ZDBF2: variants seen among roughly 807,000 people sequenced by gnomAD.
ZDBF2 encodes zinc finger DBF-type containing 2.
Under a neutral mutation model 9.4 loss-of-function variants are expected in ZDBF2, and 6 were observed. The ratio of observed to expected loss-of-function variants is 0.64; its 90% confidence interval spans 0.35 to 1.27. ZDBF2 has a LOEUF of 1.27. Ranked by LOEUF, ZDBF2 falls within the 50% of genes most tolerant of loss-of-function variation. The pLI is 0.03. For missense variants in ZDBF2, 2,697 were observed against 2,766.8 expected, an observed-to-expected ratio of 0.97 and a Z score of 0.57; for synonymous variants, 905 against 946.3, an observed-to-expected ratio of 0.96 and a Z score of 0.80.
At chr2:206,290,489 T>C (rs1478543676) in intron 3 of ZDBF2, among the ~76,000 whole-genome samples, 6 of 152,236 alleles carry the variant, frequency 3.9e-5, no homozygotes, top group African/African-American at 1.4e-4. Context: ...AATAGAGGTA[T>C]GTATTTCCAT....
intron 4 of ZDBF2, among the ~76,000 whole-genome samples, chr2:206,298,888 CT>C (rs879904046): frequency 4.1e-5 from 6 of 146,620 alleles, no homozygotes; most frequent in Admixed American, 6.8e-5. Flanking sequence ...TTTTTTTTTT[CT>C]TTTTTTTTTG....
Position 206,311,651 on chromosome 2 carries a change from G to T in ZDBF2, c.*58G>T. The T allele has an allele frequency of 7.2e-7, 1 of 1,381,024 alleles. No individual in the cohort carries two copies. The highest frequency in any genetic ancestry group is 9.4e-7 in the Non-Finnish European group (1 of 1,060,332). The allele number at this position is 1,381,024 out of a possible 1,614,324, so 85.5% of individuals were successfully genotyped here. On this transcript the variant is annotated 3_prime_UTR_variant, in exon 5 of 5. Transcript: ENST00000374423. ...TCAGTACTTCAGTTGAAATATATTT[G>T]GTACTTTGTGCACACAGCTTTCCCA...
rs766312262 is a variant in ZDBF2 at position 206,306,161 on chromosome 2, C to T, written c.1633C>T (p.Pro545Ser). 1.2e-6 allele frequency: 2 copies of T among 1,613,700 alleles called. No homozygotes were observed. Among genetic ancestry groups the T allele is most frequent in the Admixed American group, 3.3e-5 (2 of 59,952 alleles). ...SSEVSADSVFPLQSVVDRPPV... is the reference protein window; with the variant it reads ...SSEVSADSVFSLQSVVDRPPV... Reference sequence around the variant, plus strand: ...TGAAGTAAGTGCTGATTCTGTTTTCCCACTGCAGTCAGTGGTTGACAGACC... The same window carrying T: ...TGAAGTAAGTGCTGATTCTGTTTTCTCACTGCAGTCAGTGGTTGACAGACC... Residue 545 changes from proline to serine, a missense_variant, in exon 5 of 5, where the codon CCA becomes TCA. Pro to Ser is a moderately conservative substitution (Grantham distance 74). Coordinates refer to ENST00000374423, the MANE Select transcript of ZDBF2 (RefSeq NM_020923.3).
In ZDBF2 at chr2:206,311,198, A is replaced by C; in HGVS notation, c.6670A>C (p.Arg2224=). ...WIRTKPSDII[R]KYISKYSVFL... is the part of the protein sequence containing the mutation. ...TCGGACCAAACCAAGTGATATCATT[A>C]GAAAGTATATTTCGAAATACTCTGT... The change falls in exon 5 of 5, where the codon AGA becomes CGA. Residue 2224 remains arginine (R), a synonymous_variant. Coordinates refer to ENST00000374423, the MANE Select transcript of ZDBF2 (RefSeq NM_020923.3). The C allele has an allele frequency of 6.2e-7, 1 of 1,612,786 alleles. No homozygotes were observed. The highest frequency in any genetic ancestry group is 8.5e-7 in the Non-Finnish European group (1 of 1,179,552).
rs1692738708 is a variant in ZDBF2 at position 206,305,560 on chromosome 2, G to A, written c.1032G>A (p.Lys344=). 1.9e-6 allele frequency: 3 copies of A among 1,613,620 alleles called. No individual in the cohort carries two copies. Among genetic ancestry groups the A allele is most frequent in the African/African-American group, 1.3e-5 (1 of 74,920 alleles). ...FSNMDCTQEE[K]HLVFNKTAFW... ...ACATGGATTGTACCCAAGAAGAAAAGCATTTGGTTTTTAACAAGACAGCCT... is the reference window on the plus strand; with the variant it reads ...ACATGGATTGTACCCAAGAAGAAAAACATTTGGTTTTTAACAAGACAGCCT... Residue 344 remains lysine (K), a synonymous_variant, in exon 5 of 5, where the codon AAG becomes AAA. Coordinates refer to ENST00000374423, the MANE Select transcript of ZDBF2 (RefSeq NM_020923.3).
chr2:206,311,284 A>C lies in ZDBF2; in HGVS notation c.6756A>C (p.Lys2252Asn), dbSNP rs746840686. The C allele has an allele frequency of 2.5e-6, 4 of 1,608,708 alleles. No individual in the cohort carries two copies. Among genetic ancestry groups the C allele is most frequent in the Non-Finnish European group, 3.4e-6 (4 of 1,177,016 alleles). Residue 2252 changes from lysine to asparagine, a missense_variant, in exon 5 of 5, where the codon AAA (lysine) becomes AAC (asparagine). Around this residue, in one of 3 missense-constraint regions of ZDBF2, gnomAD observed 1,783 missense variants for 1,776.5 expected, o/e 1.00. Transcript: ENST00000374423. ...SAFLGRYLKK[K>N]KSVVSRLKKA... ...TTCTTGGAAGGTATCTGAAGAAGAA[A>C]AAATCTGTTGTCAGTAGGCTAAAGA...
At chr2:206,292,216 G>A in intron 3 of ZDBF2, 1 of 396,806 alleles carries the variant, frequency 2.5e-6, no homozygotes, top group Non-Finnish European at 4.4e-6. Context: ...AATTTCTAAG[G>A]ACTTTGCATT....
chr2:206,304,726 A>G lies in ZDBF2; in HGVS notation c.198A>G (p.Gln66=), dbSNP rs1380551985. The stretch of plus-strand genomic sequence containing the variant: ...CCCCCTTTCGTTTTAGTTCAACACA[A>G]GATGAGACACATGTGAATACTGGGT... ...PYHCQESSST[Q]DETHVNTGSS... The change falls in exon 5 of 5, where the codon CAA becomes CAG. Residue 66 remains glutamine, a synonymous_variant. Coordinates refer to ENST00000374423, the MANE Select transcript of ZDBF2 (RefSeq NM_020923.3). 1 of 1,607,414 alleles carries G rather than the reference A, an allele frequency of 6.2e-7. No individual in the cohort carries two copies. Among genetic ancestry groups the G allele is most frequent in the Non-Finnish European group, 8.5e-7 (1 of 1,177,248 alleles).
In ZDBF2 at chr2:206,307,053, A is replaced by G; in HGVS notation, c.2525A>G (p.Asp842Gly). 1 of 1,613,288 alleles carries G rather than the reference A, an allele frequency of 6.2e-7. No homozygotes were observed. Among genetic ancestry groups the G allele is most frequent in the South Asian group, 1.1e-5 (1 of 90,978 alleles). Residue 842 changes from aspartate to glycine, a missense_variant, in exon 5 of 5, where the codon GAT becomes GGT. By Grantham distance (94) the Asp-to-Gly change is moderately conservative. This residue lies in a region of ZDBF2 where 4 missense variants were observed against 16.7 expected (regional missense o/e 0.24). Coordinates refer to ENST00000374423, the MANE Select transcript of ZDBF2 (RefSeq NM_020923.3). ...DSDIPLHSGN[D>G]HPEVAVKEVI... Reference sequence around the variant, plus strand: ...GATATTCCTCTTCATTCAGGAAATGATCACCCTGAAGTAGCTGTTAAAGAA... The same window carrying G: ...GATATTCCTCTTCATTCAGGAAATGGTCACCCTGAAGTAGCTGTTAAAGAA...
chr2:206,291,372 G>A (rs1691889164), intron 3 of ZDBF2, among the ~76,000 whole-genome samples: 1 of 152,168 alleles, frequency 6.6e-6, no homozygotes. Flanking sequence ...CTGACAGGAG[G>A]TGAAGCTCAG....
rs1334578147 is a variant in ZDBF2 at position 206,309,256 on chromosome 2, C to CT, written c.4734dup (p.Gly1579TrpfsTer3). On this transcript the variant is annotated frameshift_variant, in exon 5 of 5. Transcript: ENST00000374423. LOFTEE classifies it low-confidence loss of function (END_TRUNC). The stretch of plus-strand genomic sequence containing the variant: ...TTGATATAGAAGATAAGAGCTGTGA[C>CT]TTTTTTGGTTCTGAAGTCAGATGTA... 7 of 1,609,750 alleles carry CT rather than the reference C, an allele frequency of 4.3e-6. No individual in the cohort carries two copies. The highest frequency in any genetic ancestry group is 5.9e-6 in the Non-Finnish European group (7 of 1,177,794).
chr2:206,308,213 G>A lies in ZDBF2; in HGVS notation c.3685G>A (p.Val1229Ile). 1 of 1,613,844 alleles carries A rather than the reference G, an allele frequency of 6.2e-7. No homozygotes were observed. The highest frequency in any genetic ancestry group is 8.5e-7 in the Non-Finnish European group (1 of 1,179,840). ...AATAAGCCTTTGGAAGGATGAAGAA[G>A]TTGACACGGAAGATAGGAGAAATGA... ...KEISLWKDEE[V>I]DTEDRRNEAK... is the part of the protein sequence containing the mutation. Residue 1229 changes from valine (V) to isoleucine (I), a missense_variant, in exon 5 of 5, where the codon GTT (valine) becomes ATT (isoleucine). Coordinates refer to ENST00000374423, the MANE Select transcript of ZDBF2 (RefSeq NM_020923.3).
chr2:206,275,317 C>G (rs1024133713), intron 1 of ZDBF2, among the ~76,000 whole-genome samples: 3 of 152,090 alleles, frequency 2.0e-5, no homozygotes, highest in African/African-American at 7.2e-5. Flanking sequence ...GGAGTCTTGC[C>G]CCTGGGCACC....
Position 206,307,363 on chromosome 2 carries a change from CAT to C in ZDBF2, c.2836_2837del (p.Met946ValfsTer5). 6.2e-7 allele frequency: 1 copy of C among 1,613,246 alleles called. No individual in the cohort carries two copies. The highest frequency in any genetic ancestry group is 8.5e-7 in the Non-Finnish European group (1 of 1,179,682). On this transcript the variant is annotated frameshift_variant, in exon 5 of 5. Coordinates refer to ENST00000374423, the MANE Select transcript of ZDBF2 (RefSeq NM_020923.3). LOFTEE classifies it low-confidence loss of function (END_TRUNC). ...AAATAAGCCTTCACACAAAAGAGCA[CAT>C]GTACTTAGAAAATAAGAGTGTTTTT... ...KEISLHTKEHMYLENKSVFET... is the reference protein window; with the variant it reads ...KEISLHTKEHXYLENKSVFET...
chr2:206,295,512 C>G (rs1692125700), intron 3 of ZDBF2, among the ~76,000 whole-genome samples: 1 of 151,780 alleles, frequency 6.6e-6, no homozygotes, highest in East Asian at 1.9e-4. Context: ...TACAGGCGCG[C>G]AGCACCACCA....
Position 206,305,057 on chromosome 2 carries a change from T to C in ZDBF2, c.529T>C (p.Leu177=), listed in dbSNP as rs776820995. 8.1e-6 allele frequency: 13 copies of C among 1,613,782 alleles called. No homozygotes were observed. The Admixed American group carries it at 2.2e-4, about 27-fold the overall frequency. ...TCAGGCTACAAATAATAGAAGCAAC[T>C]TGGTACGCCCCCCAGTGATTTGTAA... ...IGQATNNRSN[L]VRPPVICNAP... The change falls in exon 5 of 5, where the codon TTG becomes CTG. Residue 177 remains leucine (L), a synonymous_variant. Transcript: ENST00000374423.
At chr2:206,278,558 T>G (rs1475795293) in intron 1 of ZDBF2, among the ~76,000 whole-genome samples, 1 of 152,202 alleles carries the variant, frequency 6.6e-6, no homozygotes, top group Non-Finnish European at 1.5e-5. Context: ...AAATCCAATC[T>G]ACTTGCCCTG....
chr2:206,308,032 T>A lies in ZDBF2; in HGVS notation c.3504T>A (p.Gly1168=), dbSNP rs779697923. ...TGAATTTGGATTCTGGTTTCTTGGG[T>A]CAGTCAATAGTCAATCGACCTCAAA... ...SEMNLDSGFL[G]QSIVNRPQIT... is the part of the protein sequence containing the mutation. Residue 1168 remains glycine (G), a synonymous_variant, in exon 5 of 5, where the codon GGT becomes GGA. Transcript: ENST00000374423. The A allele has an allele frequency of 6.2e-7, 1 of 1,613,820 alleles. No homozygotes were observed.
chr2:206,295,889 A>G (rs1365781740), intron 3 of ZDBF2, among the ~76,000 whole-genome samples: 1 of 152,202 alleles, frequency 6.6e-6, no homozygotes, highest in Non-Finnish European at 1.5e-5. Flanking sequence ...AGAGAGAGTT[A>G]CAAGACTGAA....
Sources: allele counts gnomAD v4.1 joint callset (sites outside exome capture counted in the v4.1 genomes callset), GRCh38; gene constraint gnomAD v4.1.1; regional missense constraint gnomAD v4.1.1; transcripts MANE v1.5; gene names NCBI Gene and HGNC (gene_info 2026-07-23, HGNC 2026-07-21).